HMOX2: variants seen among roughly 807,000 people sequenced by gnomAD.
HMOX2 encodes the protein heme oxygenase 2, also known as heme oxygenase (decycling) 2.
A neutral mutation model predicts 33.7 loss-of-function variants in HMOX2; 30 were observed. The ratio of observed to expected loss-of-function variants is 0.89; its 90% CI spans 0.67 to 1.21. HMOX2 has a LOEUF of 1.21. Ranked by LOEUF, HMOX2 falls within the 50% of genes most tolerant of loss-of-function variation. The pLI is 0.00. For missense variants in HMOX2, 403 were observed against 399.1 expected (o/e 1.01, Z -0.08); for synonymous variants, 155 against 155.0 (o/e 1.00, Z 0.00).
At chr16:4,495,731 C>T (rs1485376429) in intron 1 of HMOX2, 1 of 152,234 alleles carries the variant, frequency 6.6e-6, no homozygotes, top group Non-Finnish European at 1.5e-5. Context: ...ATTTTAAATA[C>T]TCAATACATG....
chr16:4,482,127 C>T (rs2058047044), intron 1 of HMOX2, among the ~76,000 whole-genome samples: 2 of 152,154 alleles, frequency 1.3e-5, no homozygotes. Context: ...TTAAAAAACT[C>T]CATTCCTCTA....
intron 1 of HMOX2, among the ~76,000 whole-genome samples, chr16:4,501,119 C>T (rs960550851): frequency 3.3e-5 from 5 of 152,106 alleles, no homozygotes; most frequent in Non-Finnish European, 7.3e-5. Context: ...CAATTCCTGT[C>T]TCTCGGTTTC....
At chr16:4,500,730 G>A (rs185955195) in intron 1 of HMOX2, among the ~76,000 whole-genome samples, 93 of 152,280 alleles carry the variant, frequency 6.1e-4, no homozygotes, top group Admixed American at 1.4e-3. Flanking sequence ...TACCATCTTC[G>A]TTGTCTCAGA....
intron 1 of HMOX2, among the ~76,000 whole-genome samples, chr16:4,485,306 T>C (rs4785968): frequency 6.6e-6 from 1 of 151,920 alleles, no homozygotes; most frequent in African/African-American, 2.4e-5. Flanking sequence ...TTGAATCCAC[T>C]GATGCAGAGC....
chr16:4,494,743 G>A (rs557028096), intron 1 of HMOX2, among the ~76,000 whole-genome samples: 28 of 152,128 alleles, frequency 1.8e-4, no homozygotes, highest in Non-Finnish European at 3.5e-4. Flanking sequence ...GCCAGGTGTG[G>A]TGGCGTGTGC....
chr16:4,499,566 A>G (rs1002265751), intron 1 of HMOX2, among the ~76,000 whole-genome samples: 6 of 152,162 alleles, frequency 3.9e-5, no homozygotes, highest in African/African-American at 1.4e-4. Flanking sequence ...TTCAGTTAGG[A>G]GAAATAAGGT....
At chr16:4,493,183 G>C (rs1461167951) in intron 1 of HMOX2, among the ~76,000 whole-genome samples, 2 of 151,980 alleles carry the variant, frequency 1.3e-5, no homozygotes, top group African/African-American at 4.8e-5. Flanking sequence ...ACAACTGCAT[G>C]CCACTCCCTC....
intron 1 of HMOX2, among the ~76,000 whole-genome samples, chr16:4,503,140 A>G (rs987489440): frequency 6.6e-6 from 1 of 152,214 alleles, no homozygotes; most frequent in Non-Finnish European, 1.5e-5. Context: ...TTACCAAAAA[A>G]AAAAAAGAAA....
intron 1 of HMOX2, among the ~76,000 whole-genome samples, chr16:4,505,150 G>T (rs926213246): frequency 3.3e-5 from 5 of 152,152 alleles, no homozygotes; most frequent in African/African-American, 7.2e-5. Flanking sequence ...ATCTGACAGG[G>T]AGTTGCAGGC....
chr16:4,506,378 C>T (rs978027054), intron 2 of HMOX2, among the ~76,000 whole-genome samples: 11 of 152,160 alleles, frequency 7.2e-5, no homozygotes, highest in African/African-American at 1.2e-4. Context: ...TGCATCCTTC[C>T]GTGCTTGGTC....
At chr16:4,482,548 CAA>C (rs1345306851) in intron 1 of HMOX2, among the ~76,000 whole-genome samples, 1 of 152,142 alleles carries the variant, frequency 6.6e-6, no homozygotes, top group Non-Finnish European at 1.5e-5. Flanking sequence ...CTCAGTCCCA[CAA>C]AACTGTCCCA....
chr16:4,504,139 T>C (rs987793313), intron 1 of HMOX2, among the ~76,000 whole-genome samples: 2 of 152,156 alleles, frequency 1.3e-5, no homozygotes, highest in African/African-American at 4.8e-5. Context: ...GCCAACTTAA[T>C]ATTTCCTTCA....
intron 1 of HMOX2, among the ~76,000 whole-genome samples, chr16:4,483,224 T>TGTGTGTGTGTG: frequency 1.7e-5 from 2 of 118,316 alleles, no homozygotes; most frequent in Non-Finnish European, 3.6e-5. Flanking sequence ...TGTGTGTGTG[T>TGTGTGTGTGTG]TTATGGAGGC....
At chr16:4,489,761 A>C (rs1416143498) in intron 1 of HMOX2, among the ~76,000 whole-genome samples, 1 of 151,880 alleles carries the variant, frequency 6.6e-6, no homozygotes, top group Non-Finnish European at 1.5e-5. Flanking sequence ...GCCGAGCCTC[A>C]TCCAGCTAAT....
At chr16:4,501,361 A>T (rs1372192662) in intron 1 of HMOX2, among the ~76,000 whole-genome samples, 1 of 152,212 alleles carries the variant, frequency 6.6e-6, no homozygotes, top group African/African-American at 2.4e-5. Context: ...AGGCTTTTCC[A>T]TGCATGAACA....
At chr16:4,484,926 G>T (rs922198460) in intron 1 of HMOX2, among the ~76,000 whole-genome samples, 1 of 151,876 alleles carries the variant, frequency 6.6e-6, no homozygotes, top group Admixed American at 6.6e-5. Flanking sequence ...CTGTACATGT[G>T]TAGTACATAT....
Position 4,504,118 on chromosome 16 carries a change from G to A in HMOX2, c.-41-1366G>A, listed in dbSNP as rs528115695. On this transcript the variant is annotated intron_variant, in intron 1 of 5. Coordinates refer to ENST00000570646, the MANE Select transcript of HMOX2 (RefSeq NM_002134.4). ...GGCTCAGCATTTGCAGCAGGCAATG[G>A]GAATTGATTGGCCAACTTAATATTT... Among the ~76,000 whole-genome samples the A allele has an allele frequency of 6.6e-5, 10 of 152,288 alleles. No homozygotes were observed. In the South Asian group the frequency reaches 2.1e-3, roughly 32 times the overall value.
chr16:4,508,702 A>C (rs984811454), intron 4 of HMOX2, among the ~76,000 whole-genome samples: 1 of 152,204 alleles, frequency 6.6e-6, no homozygotes, highest in Non-Finnish European at 1.5e-5. Flanking sequence ...ACTCAGGATG[A>C]GTATGCCCTG....
chr16:4,481,230 T>C (rs1242255642), intron 1 of HMOX2, among the ~76,000 whole-genome samples: 1 of 150,808 alleles, frequency 6.6e-6, no homozygotes, highest in African/African-American at 2.4e-5. Flanking sequence ...GCGCCTGTAG[T>C]CCCGGCTACT....
Sources: gnomAD v4.1 joint callset for allele counts (sites outside exome capture counted in the v4.1 genomes callset) on GRCh38, gnomAD v4.1.1 for gene constraint, MANE v1.5 for transcripts, NCBI Gene and HGNC (gene_info 2026-07-23, HGNC 2026-07-21) for gene names.